Variants in KIAA0825 observed in about 807,000 individuals in gnomAD.
The protein encoded by KIAA0825 is KIAA0825, also known as uncharacterized protein KIAA0825.
A neutral mutation model predicts 147.6 loss-of-function variants in KIAA0825; 119 were observed. The observed-to-expected ratio is 0.81, with a 90% confidence interval of 0.69 to 0.94. The LOEUF is 0.94. Among genes scored for constraint, KIAA0825 ranks in the 40% least tolerant of loss-of-function variants. The pLI is 0.00. For synonymous variants in KIAA0825, 470 were observed against 518.1 expected, an observed-to-expected ratio of 0.91 and a Z score of 1.26; for missense variants, 1,381 against 1,472.7, an observed-to-expected ratio of 0.94 and a Z score of 1.02.
intron 5 of KIAA0825, among the ~76,000 whole-genome samples, chr5:94,503,006 G>A (rs776671380): frequency 1.3e-5 from 2 of 151,104 alleles, no homozygotes; most frequent in African/African-American, 2.4e-5. Flanking sequence ...TTACTCAGGA[G>A]GCTGAGGGAG....
intron 20 of KIAA0825, among the ~76,000 whole-genome samples, chr5:94,357,763 C>G (rs998891031): frequency 6.6e-5 from 10 of 152,080 alleles, no homozygotes; most frequent in African/African-American, 2.4e-4. Flanking sequence ...CATGGTACTT[C>G]CATAAGAAAA....
At chr5:94,503,551 T>G (rs759779815) in intron 5 of KIAA0825, among the ~76,000 whole-genome samples, 8 of 152,148 alleles carry the variant, frequency 5.3e-5, no homozygotes, top group Admixed American at 1.3e-4. Context: ...CCCACTGCCT[T>G]ACAAATCAGG....
chr5:94,242,513 A>G (rs1378303838), intron 20 of KIAA0825, among the ~76,000 whole-genome samples: 1 of 151,974 alleles, frequency 6.6e-6, no homozygotes, highest in Non-Finnish European at 1.5e-5. Flanking sequence ...CTACCCATTA[A>G]ATATCAGTTC....
intron 11 of KIAA0825, 106 bp downstream of exon 11, chr5:94,464,763 A>C: frequency 1.1e-6 from 1 of 902,628 alleles, no homozygotes; most frequent in Non-Finnish European, 1.6e-6. Context: ...AGATGTTAGA[A>C]ACATGTTAAA....
Position 94,188,466 on chromosome 5 carries a change from C to T in KIAA0825, c.3711-34342G>A, listed in dbSNP as rs139257978. 2.7e-3 allele frequency among the ~76,000 whole-genome samples: 407 copies of T among 152,158 alleles called. 1 individual carries two copies. Among genetic ancestry groups the T allele is most frequent in the African/African-American group, 9.6e-3 (400 of 41,510 alleles). The stretch of plus-strand genomic sequence containing the variant: ...TTGCACTCAGTAACATTTCCCAGTT[C>T]GGCTATGCTTTCTGTCATTATAGTT... On this transcript the variant is annotated intron_variant, in intron 20 of 20. Coordinates refer to ENST00000682413, the MANE Select transcript of KIAA0825 (RefSeq NM_001145678.3).
intron 18 of KIAA0825, 57 bp downstream of exon 18, chr5:94,391,478 G>C: frequency 6.5e-7 from 1 of 1,531,010 alleles, no homozygotes; most frequent in South Asian, 1.2e-5. Context: ...GCTGCCAGCA[G>C]ACGCTGCCTC....
At chr5:94,350,195 C>A (rs755406865) in intron 20 of KIAA0825, among the ~76,000 whole-genome samples, 1 of 152,030 alleles carries the variant, frequency 6.6e-6, no homozygotes, top group Admixed American at 6.5e-5. Context: ...TGGATAAATT[C>A]CTGGAAAAAA....
chr5:94,224,181 C>T (rs1229350788), intron 20 of KIAA0825, among the ~76,000 whole-genome samples: 1 of 145,636 alleles, frequency 6.9e-6, no homozygotes, highest in African/African-American at 2.6e-5. Context: ...ACAACCTCCA[C>T]CTCTGGGGTT....
At chr5:94,559,932 G>A (rs1241404640) in intron 2 of KIAA0825, among the ~76,000 whole-genome samples, 1 of 152,176 alleles carries the variant, frequency 6.6e-6, no homozygotes, top group African/African-American at 2.4e-5. Context: ...AGGAAAACAT[G>A]CATCCATAAA....
intron 14 of KIAA0825, among the ~76,000 whole-genome samples, chr5:94,425,329 C>A (rs888248683): frequency 6.6e-6 from 1 of 152,136 alleles, no homozygotes; most frequent in Non-Finnish European, 1.5e-5. Flanking sequence ...GATGGTTTAG[C>A]ATACATAAAT....
chr5:94,185,209 G>A (rs1233933180), intron 20 of KIAA0825, among the ~76,000 whole-genome samples: 3 of 152,162 alleles, frequency 2.0e-5, no homozygotes, highest in Admixed American at 2.0e-4. Flanking sequence ...GGGATCCTGG[G>A]ACTTGTAATT....
chr5:94,348,618 A>T (rs1783279662), intron 20 of KIAA0825, among the ~76,000 whole-genome samples: 1 of 151,948 alleles, frequency 6.6e-6, no homozygotes, highest in South Asian at 2.1e-4. Flanking sequence ...AAATGGGTGA[A>T]AAAAGGCATT....
intron 20 of KIAA0825, among the ~76,000 whole-genome samples, chr5:94,205,299 A>ATATATATTTTTT (rs1254935243): frequency 1.5e-5 from 2 of 137,912 alleles, no homozygotes; most frequent in Admixed American, 7.3e-5. Flanking sequence ...ATATATATAT[A>ATATATATTTTTT]TTTTGTTTTG....
intron 20 of KIAA0825, among the ~76,000 whole-genome samples, chr5:94,309,038 C>T (rs776932047): frequency 1.3e-5 from 2 of 151,734 alleles, no homozygotes; most frequent in Non-Finnish European, 2.9e-5. Context: ...CCTGTAGGCT[C>T]CTTCATGTAT....
At chr5:94,272,414 A>G (rs756919546) in intron 20 of KIAA0825, among the ~76,000 whole-genome samples, 9 of 152,198 alleles carry the variant, frequency 5.9e-5, no homozygotes, top group Non-Finnish European at 1.3e-4. Flanking sequence ...CCCTGATGTG[A>G]CTGTGATGCA....
chr5:94,545,833 G>T (rs1774242592), intron 2 of KIAA0825, among the ~76,000 whole-genome samples: 1 of 152,168 alleles, frequency 6.6e-6, no homozygotes, highest in African/African-American at 2.4e-5. Context: ...AAAACAGGGG[G>T]AAAAGTAAAA....
intron 5 of KIAA0825, chr5:94,519,976 G>C (rs1236468469): frequency 9.5e-7 from 1 of 1,055,044 alleles, no homozygotes; most frequent in East Asian, 5.2e-5. Flanking sequence ...AATACTGTTT[G>C]TCATATGCAA....
At chr5:94,307,224 T>G (rs1554256021) in intron 20 of KIAA0825, among the ~76,000 whole-genome samples, 1 of 151,734 alleles carries the variant, frequency 6.6e-6, no homozygotes, top group Non-Finnish European at 1.5e-5. Flanking sequence ...GGAAAGAGAA[T>G]TATAAAAAGA....
chr5:94,609,056 A>C (rs939264323), intron 1 of KIAA0825, among the ~76,000 whole-genome samples: 1 of 152,208 alleles, frequency 6.6e-6, no homozygotes, highest in African/African-American at 2.4e-5. Context: ...AACTGATATG[A>C]TTTCAGATTC....
Sources: allele counts gnomAD v4.1 joint callset (sites outside exome capture counted in the v4.1 genomes callset), GRCh38; gene constraint gnomAD v4.1.1; transcripts MANE v1.5; gene names NCBI Gene and HGNC (gene_info 2026-07-23, HGNC 2026-07-21).